ADORA2B: variants seen among roughly 807,000 people sequenced by gnomAD.
ADORA2B encodes adenosine receptor A2b.
In ADORA2B, 18 loss-of-function variants were observed where a neutral mutation model predicts 20.8. The ratio of observed to expected loss-of-function variants is 0.87; its 90% CI spans 0.60 to 1.29. The LOEUF is 1.29. Among genes scored for constraint, ADORA2B ranks in the 50% most tolerant of loss-of-function variants. The pLI is 0.00. For missense variants in ADORA2B, 441 were observed against 422.7 expected, an observed-to-expected ratio of 1.04 and a Z score of -0.38; for synonymous variants, 179 against 178.3, an observed-to-expected ratio of 1.00 and a Z score of -0.03.
At chr17:15,928,105 G>A in the ADORA2B span, among the ~76,000 whole-genome samples, 2 of 152,204 alleles carry the variant, frequency 1.3e-5, no homozygotes, top group Non-Finnish European at 2.9e-5. Flanking sequence ...ACCACGCCCG[G>A]CCGAGGCCAT....
the ADORA2B span, among the ~76,000 whole-genome samples, chr17:15,863,186 G>A: frequency 6.6e-6 from 1 of 152,044 alleles, no homozygotes; most frequent in Non-Finnish European, 1.5e-5. Flanking sequence ...ATACAGGAAG[G>A]CTATGGGTAT....
intron 1 of ADORA2B, among the ~76,000 whole-genome samples, chr17:15,955,770 G>A (rs1325435339): frequency 2.0e-5 from 3 of 150,028 alleles, no homozygotes; most frequent in Non-Finnish European, 4.4e-5. Flanking sequence ...CCAGGCTGGA[G>A]TGCAGTGGCA....
the ADORA2B span, among the ~76,000 whole-genome samples, chr17:15,886,243 G>GTATTTATTTATTTATTTATTTATT: frequency 6.8e-5 from 9 of 132,876 alleles, no homozygotes; most frequent in Non-Finnish European, 9.7e-5. Flanking sequence ...GAATCTTGTA[G>GTATTTATTTATTTATTTATTTATT]TGGCTCGCCC....
At chr17:15,860,153 T>C in the ADORA2B span, among the ~76,000 whole-genome samples, 1 of 152,130 alleles carries the variant, frequency 6.6e-6, no homozygotes, top group Non-Finnish European at 1.5e-5. Context: ...CACGACCCTC[T>C]CACGTGGACC....
At chr17:15,877,210 T>TA in the ADORA2B span, among the ~76,000 whole-genome samples, 1 of 152,230 alleles carries the variant, frequency 6.6e-6, no homozygotes, top group African/African-American at 2.4e-5. Flanking sequence ...TAATGTCACA[T>TA]ACGAATTTCG....
At chr17:15,859,773 G>A in the ADORA2B span, among the ~76,000 whole-genome samples, 4 of 152,108 alleles carry the variant, frequency 2.6e-5, no homozygotes, top group Admixed American at 1.3e-4. Context: ...GCAACATAGC[G>A]AAACTCCATA....
the ADORA2B span, among the ~76,000 whole-genome samples, chr17:15,868,568 C>A: frequency 7.5e-6 from 1 of 133,988 alleles, no homozygotes; most frequent in African/African-American, 2.6e-5. Context: ...GTCAGGAGAT[C>A]GAGACCATCC....
At chr17:15,869,489 A>G in the ADORA2B span, among the ~76,000 whole-genome samples, 1 of 152,146 alleles carries the variant, frequency 6.6e-6, no homozygotes, top group Non-Finnish European at 1.5e-5. Flanking sequence ...ATCAAAGGTT[A>G]TATTATGACC....
At chr17:15,971,213 T>A (rs1333798528) in intron 1 of ADORA2B, among the ~76,000 whole-genome samples, 1 of 152,238 alleles carries the variant, frequency 6.6e-6, no homozygotes, top group African/African-American at 2.4e-5. Context: ...TCTGTGATTC[T>A]TAGGACTCCG....
At chr17:15,860,762 T>C in the ADORA2B span, 1 of 157,290 alleles carries the variant, frequency 6.4e-6, no homozygotes, top group African/African-American at 2.4e-5. Flanking sequence ...TGGAGAATGA[T>C]GTTTGATGGC....
At chr17:15,890,652 G>C in the ADORA2B span, among the ~76,000 whole-genome samples, 3 of 152,254 alleles carry the variant, frequency 2.0e-5, no homozygotes, top group African/African-American at 7.2e-5. Context: ...TAATCCCTGA[G>C]AGAAGGGAAA....
the ADORA2B span, among the ~76,000 whole-genome samples, chr17:15,939,718 G>A: frequency 4.0e-5 from 6 of 151,800 alleles, no homozygotes; most frequent in African/African-American, 1.2e-4. Context: ...AAAATTAGCC[G>A]GGTGTGGTGG....
chr17:15,880,230 T>C, the ADORA2B span, among the ~76,000 whole-genome samples: 1 of 137,948 alleles, frequency 7.2e-6, no homozygotes, highest in South Asian at 2.3e-4. Flanking sequence ...GAACTGTGGT[T>C]TGTGTAAAAA....
At chr17:15,942,246 G>A (rs1231770933), upstream of ADORA2B, among the ~76,000 whole-genome samples, 1 of 152,030 alleles carries the variant, frequency 6.6e-6, no homozygotes, top group Non-Finnish European at 1.5e-5. Flanking sequence ...CCTTTTTAGT[G>A]CTGTCCTCAT....
the ADORA2B span, among the ~76,000 whole-genome samples, chr17:15,895,123 G>A: frequency 1.3e-5 from 2 of 152,090 alleles, no homozygotes; most frequent in African/African-American, 4.8e-5. Context: ...CTGATTAGAT[G>A]AGGACCATCC....
chr17:15,908,356 G>T, the ADORA2B span, among the ~76,000 whole-genome samples: 2 of 152,244 alleles, frequency 1.3e-5, no homozygotes, highest in South Asian at 4.1e-4. Flanking sequence ...TCCTGAGTAA[G>T]TGGGAGAAAA....
At chr17:15,878,757 T>C in the ADORA2B span, among the ~76,000 whole-genome samples, 3 of 152,232 alleles carry the variant, frequency 2.0e-5, no homozygotes, top group Non-Finnish European at 2.9e-5. Flanking sequence ...AGCTTACATC[T>C]GTTTTGAATT....
the ADORA2B span, among the ~76,000 whole-genome samples, chr17:15,859,257 C>A: frequency 1.1e-4 from 17 of 152,078 alleles, no homozygotes; most frequent in African/African-American, 3.9e-4. Context: ...ATTCTATTTA[C>A]TGTAATAAAG....
chr17:15,863,096 G>A, the ADORA2B span, among the ~76,000 whole-genome samples: 1 of 151,950 alleles, frequency 6.6e-6, no homozygotes, highest in South Asian at 2.1e-4. Flanking sequence ...ATGTGCGCGA[G>A]ATTTAAATAA....
Sources: allele counts gnomAD v4.1 joint callset (sites outside exome capture counted in the v4.1 genomes callset), GRCh38; gene constraint gnomAD v4.1.1; transcripts MANE v1.5; gene names NCBI Gene and HGNC (gene_info 2026-07-23, HGNC 2026-07-21).